Variants in DYSF observed in about 807,000 individuals in gnomAD.
DYSF encodes dystrophy-associated fer-1-like 1.
In DYSF, 212 loss-of-function variants were observed where a neutral mutation model predicts 274.9. The observed-to-expected ratio is 0.77, with a 90% CI of 0.69 to 0.86. The LOEUF (loss-of-function observed/expected upper bound fraction) is 0.86. DYSF is among the 40% of genes least tolerant of loss of function. The pLI, the probability that DYSF is intolerant of heterozygous loss-of-function variation, is 0.00. For missense variants in DYSF, 2,666 were observed against 2,783.2 expected (o/e 0.96, Z 0.95); for synonymous variants, 1,091 against 1,078.7 (o/e 1.01, Z -0.22).
At chr2:71,577,170 A>C (rs946993375) in intron 30 of DYSF, 3 of 153,130 alleles carry the variant, frequency 2.0e-5, no homozygotes, top group Admixed American at 6.6e-5. Flanking sequence ...GGCCCACTTG[A>C]CTGTCTGGAA....
chr2:71,588,935 C>G (rs2093162343), intron 30 of DYSF, among the ~76,000 whole-genome samples: 1 of 152,132 alleles, frequency 6.6e-6, no homozygotes, highest in Non-Finnish European at 1.5e-5. Flanking sequence ...TTGGTGCTCC[C>G]CAAAGTGGTT....
intron 19 of DYSF, among the ~76,000 whole-genome samples, chr2:71,552,013 C>CTAATA (rs1387196492): frequency 6.9e-4 from 105 of 152,336 alleles, no homozygotes; most frequent in African/African-American, 2.2e-3. Context: ...ATAAGGATAG[C>CTAATA]TAACTGTTAA....
chr2:71,643,124 T>C (rs1346189632), intron 41 of DYSF, among the ~76,000 whole-genome samples: 2 of 151,966 alleles, frequency 1.3e-5, no homozygotes, highest in Non-Finnish European at 2.9e-5. Context: ...CTCTAGGTGA[T>C]AGGACACCCC....
chr2:71,639,393 T>A (rs940822646), intron 41 of DYSF, among the ~76,000 whole-genome samples: 1 of 152,194 alleles, frequency 6.6e-6, no homozygotes, highest in Non-Finnish European at 1.5e-5. Flanking sequence ...AAATTAGAAA[T>A]TTTTGAGTTA....
At chr2:71,463,755 T>C (rs1358905700), upstream of DYSF, among the ~76,000 whole-genome samples, 3 of 152,238 alleles carry the variant, frequency 2.0e-5, no homozygotes, top group Non-Finnish European at 2.9e-5. Flanking sequence ...TCATGGCATA[T>C]AAATCTGTCT....
chr2:71,628,574 T>C (rs2094252777), intron 41 of DYSF, among the ~76,000 whole-genome samples: 1 of 152,210 alleles, frequency 6.6e-6, no homozygotes, highest in South Asian at 2.1e-4. Flanking sequence ...TAACAGTTAT[T>C]TTCTGTCAGC....
At chr2:71,644,810 C>T (rs1010628834) in intron 42 of DYSF, among the ~76,000 whole-genome samples, 1 of 152,308 alleles carries the variant, frequency 6.6e-6, no homozygotes, top group African/African-American at 2.4e-5. Flanking sequence ...ATTCAGGATG[C>T]CCAGTCACAT....
At chr2:71,504,986 C>G (rs965350776) in intron 4 of DYSF, among the ~76,000 whole-genome samples, 5 of 152,178 alleles carry the variant, frequency 3.3e-5, no homozygotes, top group African/African-American at 1.2e-4. Context: ...CCAACCGTGT[C>G]TCCAAAAAGA....
intron 30 of DYSF, 136 bp from the exon 31 acceptor site, chr2:71,589,457 G>A (rs1213358507): frequency 2.7e-6 from 2 of 731,678 alleles, no homozygotes; most frequent in Non-Finnish European, 4.9e-6. Context: ...TCCCCAGAAT[G>A]AAATTAGAGG....
At chr2:71,506,110 T>G (rs1053805459) in intron 4 of DYSF, among the ~76,000 whole-genome samples, 1 of 152,070 alleles carries the variant, frequency 6.6e-6, no homozygotes, top group Non-Finnish European at 1.5e-5. Context: ...ACGGGACACA[T>G]GTGTTAGGGG....
At chr2:71,684,907 A>G (rs947735489) in intron 55 of DYSF, among the ~76,000 whole-genome samples, 1 of 152,178 alleles carries the variant, frequency 6.6e-6, no homozygotes, top group South Asian at 2.1e-4. Flanking sequence ...GACTGTGCTT[A>G]GGGGAGCACT....
rs1416113673 is a variant in DYSF, at chr2:71,513,736, A to T, written c.574A>T (p.Thr192Ser). 6.2e-7 allele frequency: 1 copy of T among 1,614,108 alleles called. No individual in the cohort carries two copies. Among genetic ancestry groups the T allele is most frequent in the Non-Finnish European group, 8.5e-7 (1 of 1,179,996 alleles). ...APTDTGGEEDTEDQGLTGDEA... is the reference protein window; with the variant it reads ...APTDTGGEEDSEDQGLTGDEA... ...CTTAGACACAGGAGGAGAGGAAGAC[A>T]CAGAGGACCAGGGACTCACTGGAGA... The change falls in exon 7 of 56, where the codon ACA becomes TCA. Residue 192 changes from threonine (T) to serine (S), a missense_variant. Coordinates refer to ENST00000410020, the MANE Select transcript of DYSF (RefSeq NM_001130987.2).
At chr2:71,553,712 A>G in intron 20 of DYSF, 95 bp from the exon 21 acceptor site, 1 of 1,194,000 alleles carries the variant, frequency 8.4e-7, no homozygotes. Flanking sequence ...TGCCAGTCCT[A>G]GCCCTGGAGT....
chr2:71,537,252 G>A (rs375738677), intron 16 of DYSF, among the ~76,000 whole-genome samples: 181 of 66,410 alleles, frequency 2.7e-3, no homozygotes, highest in African/African-American at 8.9e-3. Context: ...TTTTTGCGGG[G>A]GGCGTGGTGG....
At chr2:71,593,176 A>G (rs1574230846) in intron 32 of DYSF, among the ~76,000 whole-genome samples, 1 of 117,314 alleles carries the variant, frequency 8.5e-6, no homozygotes, top group African/African-American at 3.4e-5. Flanking sequence ...CTTGTTGCCT[A>G]GGCTGGAGTG....
intron 22 of DYSF, among the ~76,000 whole-genome samples, chr2:71,557,678 G>A (rs1044818834): frequency 1.3e-5 from 2 of 152,160 alleles, no homozygotes; most frequent in African/African-American, 4.8e-5. Flanking sequence ...GAGGGATTAT[G>A]ATGACAAGCA....
intron 28 of DYSF, 67 bp from the exon 29 acceptor site, chr2:71,570,532 C>T (rs555972693): frequency 6.3e-7 from 1 of 1,594,932 alleles, no homozygotes; most frequent in Admixed American, 1.7e-5. Flanking sequence ...GCCCCAAATT[C>T]AGAGATGGTC....
chr2:71,458,257 C>G (rs1026620878), intron 1 of DYSF, among the ~76,000 whole-genome samples: 2 of 152,204 alleles, frequency 1.3e-5, no homozygotes, highest in Admixed American at 1.3e-4. Flanking sequence ...ATAATTATTA[C>G]ATATACTTTT....
At chr2:71,559,594 C>G (rs2091582337) in intron 22 of DYSF, among the ~76,000 whole-genome samples, 1 of 152,234 alleles carries the variant, frequency 6.6e-6, no homozygotes, top group Non-Finnish European at 1.5e-5. Flanking sequence ...TTGTCCGGCC[C>G]TCAGCACCCC....
Sources: allele counts gnomAD v4.1 joint callset (sites outside exome capture counted in the v4.1 genomes callset), GRCh38; gene constraint gnomAD v4.1.1; transcripts MANE v1.5; gene names NCBI Gene and HGNC (gene_info 2026-07-23, HGNC 2026-07-21).